GOLGA2: variants seen among roughly 807,000 people sequenced by gnomAD.
GOLGA2 encodes golgin subfamily A member 2.
In GOLGA2, 49 loss-of-function variants were observed where a neutral mutation model predicts 148.8. The ratio of observed to expected loss-of-function variants is 0.33; its 90% CI spans 0.26 to 0.42. The LOEUF (loss-of-function observed/expected upper bound fraction) is 0.42, where lower values mean the gene tolerates loss of function less well. GOLGA2 is among the 10% of genes least tolerant of loss of function. The pLI is 1.00. For synonymous variants in GOLGA2, 501 were observed against 511.8 expected, an observed-to-expected ratio of 0.98 and a Z score of 0.28; for missense variants, 1,178 against 1,304.6, an observed-to-expected ratio of 0.90 and a Z score of 1.49.
In GOLGA2 at chr9:128,260,019, C is replaced by T. The variant is rs1830149999; in HGVS notation, c.1872+57G>A. On this transcript the variant is annotated intron_variant, in intron 19 of 26. Transcript: ENST00000611957. The surrounding 1 kb of genome is among the most constrained non-coding windows in gnomAD (Gnocchi z 4.8). ...TGGAGCTGCCTCTGGCCTCACACCA[C>T]CCCTCCCCAGAGGCTGGTGCCCGCC... 2.4e-6 allele frequency: 3 copies of T among 1,238,130 alleles called. No homozygotes were observed. The highest frequency in any genetic ancestry group is 3.4e-5 in the Admixed American group (2 of 59,434). The allele number at this position is 1,238,130 out of a possible 1,614,324, so 76.7% of individuals were successfully genotyped here.
chr9:128,271,302 A>G lies in GOLGA2; in HGVS notation c.288+1483T>C, dbSNP rs1476694083. 1.3e-5 allele frequency among the ~76,000 whole-genome samples: 2 copies of G among 152,152 alleles called. No homozygotes were observed. The highest frequency in any genetic ancestry group is 4.8e-5 in the African/African-American group (2 of 41,422). On this transcript the variant is annotated intron_variant, in intron 3 of 26. Transcript: ENST00000611957. This position sits in a 1 kb window ranked among gnomAD's most constrained non-coding sequence, Gnocchi z 4.4. ...TCACAGCACCTGGACAGACCTGATC[A>G]ACTGGAGGGTAACAGGTATGAGACT...
At chr9:128,273,265 A>G (rs1331277595) in intron 2 of GOLGA2, among the ~76,000 whole-genome samples, 1 of 152,230 alleles carries the variant, frequency 6.6e-6, no homozygotes, top group East Asian at 1.9e-4. Flanking sequence ...CAGCTAAAAA[A>G]CAAGTTTGAA....
intron 1 of GOLGA2, among the ~76,000 whole-genome samples, chr9:128,275,076 T>A (rs897926609): frequency 6.6e-6 from 1 of 152,072 alleles, no homozygotes; most frequent in Admixed American, 6.6e-5. Flanking sequence ...ACCAAACCAA[T>A]CCCGTTCTCA....
In GOLGA2 at chr9:128,260,634, C is replaced by G; in HGVS notation, c.1589G>C (p.Arg530Thr). 3 of 1,612,028 alleles carry G rather than the reference C, an allele frequency of 1.9e-6. No homozygotes were observed. The highest frequency in any genetic ancestry group is 2.5e-6 in the Non-Finnish European group (3 of 1,179,988). The change falls in exon 18 of 27, where the codon AGG becomes ACG. Residue 530 changes from arginine to threonine, a missense_variant. Arg to Thr is a moderately conservative substitution (Grantham distance 71). Transcript: ENST00000611957. This position sits in a 1 kb window ranked among gnomAD's most constrained non-coding sequence, Gnocchi z 4.8. The part of the protein sequence containing the change: ...LSRLNREQEE[R>T]LLELERAAEL... ...GGCCGCCCGCTCCAGCTCCAGCAGC[C>G]TCTCCTCCTGCTCCCGGTTCAGGCG... is the stretch of plus-strand genomic sequence containing the variant.
intron 6 of GOLGA2, 57 bp from the exon 7 acceptor site, chr9:128,267,574 C>CT: frequency 7.4e-7 from 1 of 1,347,376 alleles, no homozygotes; most frequent in Non-Finnish European, 1.1e-6. Flanking sequence ...TCTAAGCCCT[C>CT]TAACTTCGTT....
Position 128,258,039 on chromosome 9 carries a change from C to T in GOLGA2, c.2449G>A (p.Gly817Ser), listed in dbSNP as rs746477553. 1.2e-6 allele frequency: 2 copies of T among 1,612,282 alleles called. No individual in the cohort carries two copies. Among genetic ancestry groups the T allele is most frequent in the Non-Finnish European group, 1.7e-6 (2 of 1,179,636 alleles). The change falls in exon 23 of 27, where the codon GGT (glycine) becomes AGT (serine). Residue 817 changes from glycine (G) to serine (S), a missense_variant. Coordinates refer to ENST00000611957, the MANE Select transcript of GOLGA2 (RefSeq NM_001366244.2). The surrounding 1 kb of genome is among the most constrained non-coding windows in gnomAD (Gnocchi z 6.6). ...TGGGTCTCCCCACACACAGAATCAC[C>T]CCCGGTCCCTGGGGCTGGGGCTGCT... ...EAAAPAPGTG[G>S]DSVCGETHRA...
chr9:128,265,295 C>T (rs941746207), intron 12 of GOLGA2, among the ~76,000 whole-genome samples: 7 of 152,202 alleles, frequency 4.6e-5, no homozygotes, highest in African/African-American at 1.7e-4. Context: ...AGTACAAGTA[C>T]CATATTCCCC....
chr9:128,260,276 G>T lies in GOLGA2; in HGVS notation c.1759-87C>A. On this transcript the variant is annotated intron_variant, in intron 18 of 26. Coordinates refer to ENST00000611957, the MANE Select transcript of GOLGA2 (RefSeq NM_001366244.2). This position sits in a 1 kb window ranked among gnomAD's most constrained non-coding sequence, Gnocchi z 4.8. The stretch of plus-strand genomic sequence containing the variant: ...CTTGGTGTCTGCCTCCCATGGCACC[G>T]GGAAGGGTGGAGGCAGGTTAGAAAA... The T allele has an allele frequency of 8.1e-7, 1 of 1,236,128 alleles. No individual in the cohort carries two copies. The highest frequency in any genetic ancestry group is 1.2e-6 in the Non-Finnish European group (1 of 848,910). The allele number at this position is 1,236,128 out of a possible 1,614,324, so 76.6% of individuals were successfully genotyped here. A position where few individuals can be genotyped will look rare whatever the true frequency, so the allele number is the denominator to read the frequency against.
In GOLGA2 at chr9:128,263,089, T is replaced by G. The variant is rs747216618; in HGVS notation, c.937A>C (p.Asn313His). 6.2e-7 allele frequency: 1 copy of G among 1,605,448 alleles called. No individual in the cohort carries two copies. The highest frequency in any genetic ancestry group is 1.7e-5 in the Admixed American group (1 of 59,994). The change falls in exon 13 of 27, where the codon AAC (asparagine) becomes CAC (histidine). Residue 313 changes from asparagine to histidine, a missense_variant. Asn to His is a moderately conservative substitution (Grantham distance 68). Coordinates refer to ENST00000611957, the MANE Select transcript of GOLGA2 (RefSeq NM_001366244.2). Reference protein sequence around the residue: ...STQQKKADRYNKELTKERDAL... With the variant: ...STQQKKADRYHKELTKERDAL... ...TCTCTCTCTTTGGTTAACTCCTTGT[T>G]GTACTGTAAATACAGAAAGGTTAAG...
intron 12 of GOLGA2, among the ~76,000 whole-genome samples, chr9:128,264,824 T>G (rs758554142): frequency 3.4e-4 from 52 of 152,214 alleles, no homozygotes; most frequent in Admixed American, 1.8e-3. Context: ...GAACCTTTAT[T>G]GAATGCTTCA....
chr9:128,260,733 T>C lies in GOLGA2; in HGVS notation c.1490A>G (p.Glu497Gly). Residue 497 changes from glutamate to glycine, a missense_variant, in exon 18 of 27, where the codon GAG becomes GGG. Glu to Gly is a moderately conservative substitution (Grantham distance 98, BLOSUM62 -2). Transcript: ENST00000611957. This position sits in a 1 kb window ranked among gnomAD's most constrained non-coding sequence, Gnocchi z 4.8. ...ACCCTCCAGCTCCTTCCGCAGGTGC[T>C]CAGCCTCCGCTTGTAGCTGCTGCTC... ...EVEQQLQAEA[E>G]HLRKELEGLA... 2 of 1,613,234 alleles carry C rather than the reference T, an allele frequency of 1.2e-6. No homozygotes were observed. The highest frequency in any genetic ancestry group is 1.7e-6 in the Non-Finnish European group (2 of 1,179,880).
Position 128,261,334 on chromosome 9 carries a change from C to T in GOLGA2, c.1333-75G>A. ...ACAGGCTACCATCTCCCTCTGCCCC[C>T]ACCGCCACAAAGCCCAGACCCATGA... On this transcript the variant is annotated intron_variant, in intron 16 of 26. Coordinates refer to ENST00000611957, the MANE Select transcript of GOLGA2 (RefSeq NM_001366244.2). This position sits in a 1 kb window ranked among gnomAD's most constrained non-coding sequence, Gnocchi z 5.7. 2.3e-6 allele frequency: 3 copies of T among 1,324,174 alleles called. No homozygotes were observed. The highest frequency in any genetic ancestry group is 3.3e-6 in the Non-Finnish European group (3 of 916,642). 82.0% of individuals were successfully genotyped at this position (1,324,174 alleles called of 1,614,324 possible). A position where few individuals can be genotyped will look rare whatever the true frequency, so the allele number is the denominator to read the frequency against.
rs973357938 is a variant in GOLGA2, at chr9:128,259,571, C to T, written c.1873-180G>A. 3.3e-5 allele frequency among the ~76,000 whole-genome samples: 5 copies of T among 152,346 alleles called. No homozygotes were observed. The East Asian group carries it at 9.6e-4, about 29-fold the overall frequency. Reference sequence around the variant, plus strand: ...CCTTCCCCAGCCTCAAATTTCACATCCTTCTTCCCACCATTTAAACCGTAG... The same window carrying T: ...CCTTCCCCAGCCTCAAATTTCACATTCTTCTTCCCACCATTTAAACCGTAG... On this transcript the variant is annotated intron_variant, in intron 19 of 26. Transcript: ENST00000611957.
rs1380091367 is a variant in GOLGA2 at position 128,275,544 on chromosome 9, A to G, written c.84+349T>C. The G allele has an allele frequency of 3.2e-6, 4 of 1,260,500 alleles. No homozygotes were observed. In the African/African-American group the frequency reaches 4.9e-5, roughly 15 times the overall value. 78.1% of individuals were successfully genotyped at this position (1,260,500 alleles called of 1,614,324 possible). A position where few individuals can be genotyped will look rare whatever the true frequency, so the allele number is the denominator to read the frequency against. Reference sequence around the variant, plus strand: ...GGGGCCCCGGGAGTCACGGGCCCAAAGTCACTGGCGAGGGCAGGGGCTGAA... The same window carrying G: ...GGGGCCCCGGGAGTCACGGGCCCAAGGTCACTGGCGAGGGCAGGGGCTGAA... On this transcript the variant is annotated intron_variant, in intron 1 of 26. Coordinates refer to ENST00000611957, the MANE Select transcript of GOLGA2 (RefSeq NM_001366244.2).
In GOLGA2 at chr9:128,258,653, C is replaced by A; in HGVS notation, c.2174-83G>T. 1.0e-6 allele frequency: 1 copy of A among 979,382 alleles called. No homozygotes were observed. The highest frequency in any genetic ancestry group is 1.5e-6 in the Non-Finnish European group (1 of 659,040). The allele number at this position is 979,382 out of a possible 1,614,324, so 60.7% of individuals were successfully genotyped here. A position where few individuals can be genotyped will look rare whatever the true frequency, so the allele number is the denominator to read the frequency against. ...CTCTGCCCCCACCCTCACTGTGTAA[C>A]CCTGGGCCAGCCCCTCCCCAGAGGG... On this transcript the variant is annotated intron_variant, in intron 21 of 26. Coordinates refer to ENST00000611957, the MANE Select transcript of GOLGA2 (RefSeq NM_001366244.2). This position sits in a 1 kb window ranked among gnomAD's most constrained non-coding sequence, Gnocchi z 6.6.
rs1829958450 is a variant in GOLGA2 at position 128,257,506 on chromosome 9, TGCAGCTCCA to T, written c.2729_2737del (p.Leu910_Leu912del). On this transcript the variant is annotated inframe_deletion, in exon 26 of 27. Coordinates refer to ENST00000611957, the MANE Select transcript of GOLGA2 (RefSeq NM_001366244.2). The surrounding 1 kb of genome is among the most constrained non-coding windows in gnomAD (Gnocchi z 8.0). ...GCCCACAAGCCGTAAGACCAGCTCC[TGCAGCTCCA>T]GCAGCTTCACCTGGAGGGAGGGGTG... The T allele has an allele frequency of 6.2e-7, 1 of 1,614,052 alleles. No homozygotes were observed. The highest frequency in any genetic ancestry group is 2.2e-5 in the East Asian group (1 of 44,886).
At chr9:128,275,467 C>T in intron 1 of GOLGA2, 6 of 1,300,626 alleles carry the variant, frequency 4.6e-6, no homozygotes, top group Non-Finnish European at 4.9e-6. Context: ...ACCAAAGAAC[C>T]CCGGGAGGTC....
Position 128,271,064 on chromosome 9 carries a change from A to G in GOLGA2, c.288+1721T>C, listed in dbSNP as rs1179965006. ...TTCTCAAAAACAAAAACAAAACAGCAAGAAGGAAATACGGGGATCTAGGCC... is the reference window on the plus strand; with the variant it reads ...TTCTCAAAAACAAAAACAAAACAGCGAGAAGGAAATACGGGGATCTAGGCC... On this transcript the variant is annotated intron_variant, in intron 3 of 26. Coordinates refer to ENST00000611957, the MANE Select transcript of GOLGA2 (RefSeq NM_001366244.2). This position sits in a 1 kb window ranked among gnomAD's most constrained non-coding sequence, Gnocchi z 4.4. 6.6e-6 allele frequency among the ~76,000 whole-genome samples: 1 copy of G among 152,136 alleles called. No individual in the cohort carries two copies. The highest frequency in any genetic ancestry group is 1.5e-5 in the Non-Finnish European group (1 of 68,014).
At chr9:128,272,902 G>A in intron 2 of GOLGA2, 37 bp from the exon 3 acceptor site, 2 of 883,162 alleles carry the variant, frequency 2.3e-6, no homozygotes, top group Non-Finnish European at 3.2e-6. Context: ...AGGGCAGGGG[G>A]AGAAAGGTAG....
Sources: gnomAD v4.1 joint callset for allele counts (sites outside exome capture counted in the v4.1 genomes callset) on GRCh38, gnomAD v4.1.1 for gene constraint, Gnocchi (gnomAD v3.1) non-coding constraint, MANE v1.5 for transcripts, NCBI Gene and HGNC (gene_info 2026-07-23, HGNC 2026-07-21) for gene names.